The following FSTL5 variants were observed in gnomAD, a reference collection of about 807,000 sequenced individuals.
The protein encoded by FSTL5 is follistatin-related protein 5.
Under a neutral mutation model 89.1 loss-of-function variants are expected in FSTL5, and 62 were observed. The ratio of observed to expected loss-of-function variants is 0.70; its 90% CI spans 0.57 to 0.86. The LOEUF is 0.86. Among genes scored for constraint, FSTL5 ranks in the 40% least tolerant of loss-of-function variants. FSTL5 has a pLI of 0.00. For missense variants in FSTL5, 1,057 were observed against 1,001.6 expected (o/e 1.06, Z -0.75); for synonymous variants, 383 against 346.2 (o/e 1.11, Z -1.18).
In FSTL5 at chr4:161,608,928, A is replaced by C. The variant is rs530073121; in HGVS notation, c.895-21353T>G. Among the ~76,000 whole-genome samples the C allele has an allele frequency of 3.3e-5, 5 of 152,202 alleles. No homozygotes were observed. The East Asian group carries it at 9.6e-4, about 29-fold the overall frequency. ...CTGTTGCCTGGTATATATATTCCAG[A>C]ATATCTTCTATGTCCTTCTGATATT... is the stretch of plus-strand genomic sequence containing the variant. On this transcript the variant is annotated intron_variant, in intron 7 of 15. Coordinates refer to ENST00000306100, the MANE Select transcript of FSTL5 (RefSeq NM_020116.5).
At chr4:161,417,158 CA>C (rs1731816448) in intron 15 of FSTL5, among the ~76,000 whole-genome samples, 1 of 152,186 alleles carries the variant, frequency 6.6e-6, no homozygotes. Context: ...CTGCATTCAA[CA>C]GTCTCTTTTT....
chr4:161,718,302 T>C (rs559418848), intron 6 of FSTL5, among the ~76,000 whole-genome samples: 1 of 152,188 alleles, frequency 6.6e-6, no homozygotes, highest in Non-Finnish European at 1.5e-5. Context: ...TTAATGATTT[T>C]TACTAATTTA....
At chr4:161,627,311 T>C (rs1735348059) in intron 7 of FSTL5, among the ~76,000 whole-genome samples, 1 of 152,166 alleles carries the variant, frequency 6.6e-6, no homozygotes, top group Non-Finnish European at 1.5e-5. Context: ...AAAAAGAGTA[T>C]GACTTGCTGA....
At chr4:161,665,871 A>G (rs1298328898) in intron 6 of FSTL5, among the ~76,000 whole-genome samples, 1 of 152,014 alleles carries the variant, frequency 6.6e-6, no homozygotes, top group African/African-American at 2.4e-5. Flanking sequence ...AAAAAAATAA[A>G]AAAGAAGATG....
intron 6 of FSTL5, among the ~76,000 whole-genome samples, chr4:161,738,267 G>C (rs1287531446): frequency 2.6e-5 from 4 of 152,028 alleles, no homozygotes; most frequent in Middle Eastern, 3.2e-3. Flanking sequence ...GTGCTCAGGA[G>C]TAGCCATTAA....
At chr4:161,413,140 G>C (rs1450418108) in intron 15 of FSTL5, among the ~76,000 whole-genome samples, 3 of 150,456 alleles carry the variant, frequency 2.0e-5, no homozygotes, top group Non-Finnish European at 4.4e-5. Context: ...CAGAATGGGA[G>C]AAGATAACTC....
intron 13 of FSTL5, among the ~76,000 whole-genome samples, chr4:161,469,067 A>G (rs1318767931): frequency 6.6e-6 from 1 of 152,180 alleles, no homozygotes; most frequent in African/African-American, 2.4e-5. Flanking sequence ...TCATTAAACA[A>G]CAATTCCTCA....
chr4:161,517,516 C>T (rs1042063069), intron 10 of FSTL5, among the ~76,000 whole-genome samples: 1 of 152,008 alleles, frequency 6.6e-6, no homozygotes, highest in Non-Finnish European at 1.5e-5. Flanking sequence ...TAGTAAATTG[C>T]CTTATTTCCT....
chr4:161,893,228 T>A (rs756881790), intron 4 of FSTL5, among the ~76,000 whole-genome samples: 2 of 152,146 alleles, frequency 1.3e-5, no homozygotes, highest in Non-Finnish European at 2.9e-5. Context: ...ATAAAAACTT[T>A]ATGTTCCATT....
At chr4:162,108,333 A>C (rs2111400434) in intron 2 of FSTL5, among the ~76,000 whole-genome samples, 1 of 152,204 alleles carries the variant, frequency 6.6e-6, no homozygotes, top group South Asian at 2.1e-4. Flanking sequence ...TAATCTGACA[A>C]ACAGGTCTCA....
intron 3 of FSTL5, among the ~76,000 whole-genome samples, chr4:161,929,494 T>A (rs1408891441): frequency 6.6e-6 from 1 of 151,794 alleles, no homozygotes; most frequent in East Asian, 1.9e-4. Flanking sequence ...TGTCTATATC[T>A]AAAAAGTAAG....
At chr4:161,698,311 A>G (rs1174643125) in intron 6 of FSTL5, among the ~76,000 whole-genome samples, 1 of 152,192 alleles carries the variant, frequency 6.6e-6, no homozygotes, top group African/African-American at 2.4e-5. Context: ...ACAAACAAAA[A>G]GTTGATCTCA....
chr4:161,948,205 C>T (rs1196187854), intron 3 of FSTL5, among the ~76,000 whole-genome samples: 2 of 150,372 alleles, frequency 1.3e-5, no homozygotes, highest in East Asian at 4.0e-4. Flanking sequence ...ATTGCTTGAG[C>T]CTGGGAGTTT....
intron 3 of FSTL5, among the ~76,000 whole-genome samples, chr4:161,954,540 G>A (rs747708733): frequency 4.0e-5 from 6 of 151,582 alleles, no homozygotes; most frequent in African/African-American, 1.4e-4. Flanking sequence ...ATGTGTGTAT[G>A]TTTGTAAAAT....
intron 4 of FSTL5, among the ~76,000 whole-genome samples, chr4:161,913,261 A>G (rs1302961943): frequency 1.3e-5 from 2 of 152,150 alleles, no homozygotes; most frequent in Admixed American, 1.3e-4. Flanking sequence ...AGGCCATGCC[A>G]GAGACCTTCA....
intron 4 of FSTL5, among the ~76,000 whole-genome samples, chr4:161,902,600 CACTTTGGG>C (rs1733400666): frequency 6.6e-6 from 1 of 152,092 alleles, no homozygotes; most frequent in South Asian, 2.1e-4. Flanking sequence ...GTAATCCCAG[CACTTTGGG>C]AGGCCGAGGC....
chr4:161,616,767 G>A (rs115352527), intron 7 of FSTL5, among the ~76,000 whole-genome samples: 4,733 of 151,582 alleles, frequency 0.031, 90 homozygotes, highest in South Asian at 0.074. Context: ...TTAATACATC[G>A]GTGACGAGTG....
intron 6 of FSTL5, among the ~76,000 whole-genome samples, chr4:161,739,340 A>C (rs373134561): frequency 2.4e-4 from 37 of 152,324 alleles, no homozygotes; most frequent in African/African-American, 8.7e-4. Context: ...ATGCCTGGAA[A>C]AGATCCTTCA....
chr4:161,726,915 ATAT>A (rs1560812045), intron 6 of FSTL5, among the ~76,000 whole-genome samples: 78 of 33,848 alleles, frequency 2.3e-3, no homozygotes, highest in South Asian at 2.8e-3. Context: ...AAAAAAAAAT[ATAT>A]ATATATATAT....
Sources: allele counts gnomAD v4.1 joint callset (sites outside exome capture counted in the v4.1 genomes callset), GRCh38; gene constraint gnomAD v4.1.1; transcripts MANE v1.5; gene names NCBI Gene and HGNC (gene_info 2026-07-23, HGNC 2026-07-21).